POLR2F: variants seen among roughly 807,000 people sequenced by gnomAD.
POLR2F encodes DNA-directed RNA polymerases I, II, and III subunit RPABC2.
A neutral mutation model predicts 22.7 loss-of-function variants in POLR2F; 12 were observed. The ratio of observed to expected loss-of-function variants is 0.53; its 90% CI spans 0.34 to 0.86. The LOEUF (loss-of-function observed/expected upper bound fraction) is 0.86, where lower values mean the gene tolerates loss of function less well. Ranked by LOEUF, POLR2F falls within the 40% of genes least tolerant of loss-of-function variation. The pLI is 0.02. For missense variants in POLR2F, 126 were observed against 171.5 expected, an observed-to-expected ratio of 0.73 and a Z score of 1.48; for synonymous variants, 57 against 66.0, an observed-to-expected ratio of 0.86 and a Z score of 0.66.
chr22:37,985,741 A>T (rs1932550743), upstream of POLR2F, among the ~76,000 whole-genome samples: 1 of 139,806 alleles, frequency 7.2e-6, no homozygotes, highest in African/African-American at 2.7e-5. Context: ...AAAGGGGTGT[A>T]GGGGGTGGGA....
downstream of POLR2F, among the ~76,000 whole-genome samples, chr22:37,970,315 A>G (rs1239573795): frequency 6.8e-6 from 1 of 147,078 alleles, no homozygotes; most frequent in East Asian, 2.0e-4. Context: ...AAGAGTGGAG[A>G]TAATAGGCCA....
downstream of POLR2F, among the ~76,000 whole-genome samples, chr22:37,970,324 C>T (rs1569166380): frequency 6.7e-6 from 1 of 148,982 alleles, no homozygotes; most frequent in Non-Finnish European, 1.5e-5. Flanking sequence ...GATAATAGGC[C>T]AGGTGCGGTG....
At chr22:37,985,592 G>T (rs1932546559), upstream of POLR2F, among the ~76,000 whole-genome samples, 1 of 152,190 alleles carries the variant, frequency 6.6e-6, no homozygotes, top group Admixed American at 6.5e-5. Context: ...ATGTAATGGA[G>T]CTGGGGTCGC....
At chr22:38,012,966 A>G (rs951960285) in intron 1 of POLR2F, among the ~76,000 whole-genome samples, 2 of 152,198 alleles carry the variant, frequency 1.3e-5, no homozygotes, top group African/African-American at 4.8e-5. Context: ...TATTCTGTCC[A>G]TCAGAAGTGA....
At chr22:38,041,256 C>A (rs2085169606), downstream of POLR2F, 2 of 1,233,374 alleles carry the variant, frequency 1.6e-6, no homozygotes, top group South Asian at 1.5e-5. Context: ...GGGGCAGGCA[C>A]AGGGGGAGGG....
rs780120316 is a variant in POLR2F at position 37,953,821 on chromosome 22, C to G, written c.20+14C>G. On this transcript the variant is annotated intron_variant, in intron 1 of 4. Coordinates refer to ENST00000442738, the MANE Select transcript of POLR2F (RefSeq NM_021974.5). ...CAACGAGGACAAGTGAGTGCGGGAG[C>G]GGAGTGGCCTTTGCGGCAACCTTGG... 2 of 1,607,460 alleles carry G rather than the reference C, an allele frequency of 1.2e-6. No individual in the cohort carries two copies. The highest frequency in any genetic ancestry group is 1.7e-6 in the Non-Finnish European group (2 of 1,178,066).
chr22:37,971,812 C>A (rs1160314582), downstream of POLR2F, among the ~76,000 whole-genome samples: 1 of 152,044 alleles, frequency 6.6e-6, no homozygotes, highest in African/African-American at 2.4e-5. Flanking sequence ...TGCAAACTCC[C>A]GTCTGCTGAG....
chr22:38,014,141 AG>A lies in POLR2F; in HGVS notation c.121-11727del, dbSNP rs762816890. Among the ~76,000 whole-genome samples, 808 of 149,928 alleles carry A rather than the reference AG, an allele frequency of 5.4e-3. 10 individuals are homozygous for A. Among genetic ancestry groups the A allele is most frequent in the African/African-American group, 0.019 (780 of 40,430 alleles). On this transcript the variant is annotated intron_variant, in intron 1 of 2. Transcript: ENST00000333418. The stretch of plus-strand genomic sequence containing the variant: ...CTGTCTCAAAAAAAAAAAAAAAAAA[AG>A]AAAAAAGAAATATAATTGACTTGTA...
At chr22:37,973,940 C>T (rs1286855865), downstream of POLR2F, 7 of 1,610,608 alleles carry the variant, frequency 4.3e-6, no homozygotes, top group Non-Finnish European at 5.9e-6. Context: ...ACTGCCCAGC[C>T]CATAGCCGGC....
chr22:38,033,440 C>T (rs151237579), intron 5 of POLR2F, among the ~76,000 whole-genome samples: 150 of 152,310 alleles, frequency 9.8e-4, no homozygotes, highest in African/African-American at 3.5e-3. Context: ...GGGTTCAAGC[C>T]TGGTTACCCA....
downstream of POLR2F, chr22:37,971,157 T>C: frequency 6.6e-6 from 3 of 457,182 alleles, no homozygotes; most frequent in Middle Eastern, 7.2e-4. Context: ...TTGCTCCAGA[T>C]ACAAAGCAGA....
Position 37,986,414 on chromosome 22 carries a change from G to C in POLR2F, c.120+102G>C, listed in dbSNP as rs760424538. The C allele has an allele frequency of 9.1e-5, 139 of 1,531,932 alleles. No homozygotes were observed. In the Middle Eastern group the frequency reaches 1.0e-3, roughly 11 times the overall value. 94.9% of individuals were successfully genotyped at this position (1,531,932 alleles called of 1,614,324 possible). A position where few individuals can be genotyped will look rare whatever the true frequency, so the allele number is the denominator to read the frequency against. Reference sequence around the variant, plus strand: ...GTGACTGGCCTGAGACCCGCCTGGGGCAGGAGGGGTGGTTGTGGAAGGAAA... The same window carrying C: ...GTGACTGGCCTGAGACCCGCCTGGGCCAGGAGGGGTGGTTGTGGAAGGAAA... On this transcript the variant is annotated intron_variant, in intron 1 of 2. Coordinates refer to the POLR2F transcript ENST00000333418. The surrounding 1 kb of genome is among the most constrained non-coding windows in gnomAD (Gnocchi z 4.7).
chr22:37,996,753 C>T (rs1438653296), intron 1 of POLR2F, among the ~76,000 whole-genome samples: 5 of 152,214 alleles, frequency 3.3e-5, no homozygotes, highest in Admixed American at 6.5e-5. Flanking sequence ...CTGTCATTCT[C>T]CTCATCTGCC....
intron 1 of POLR2F, among the ~76,000 whole-genome samples, chr22:38,006,510 A>G (rs2084822619): frequency 1.3e-5 from 2 of 152,240 alleles, no homozygotes; most frequent in Non-Finnish European, 2.9e-5. Flanking sequence ...TGTTGGGAAG[A>G]CAGAGGAGAC....
chr22:38,030,930 G>A (rs1352206706), downstream of POLR2F, among the ~76,000 whole-genome samples: 1 of 152,152 alleles, frequency 6.6e-6, no homozygotes, highest in Non-Finnish European at 1.5e-5. Context: ...TAGGGGGTGG[G>A]AAAGGCAGGG....
chr22:37,983,731 C>T (rs1352054723), upstream of POLR2F: 1 of 1,484,740 alleles, frequency 6.7e-7, no homozygotes, highest in East Asian at 2.6e-5. This position sits in a 1 kb window ranked among gnomAD's most constrained non-coding sequence, Gnocchi z 9.5. Flanking sequence ...AGCGGGGCTC[C>T]TCCGAGCCCA....
chr22:38,003,739 G>A (rs1436239771), intron 1 of POLR2F, among the ~76,000 whole-genome samples: 1 of 151,710 alleles, frequency 6.6e-6, no homozygotes, highest in Non-Finnish European at 1.5e-5. Flanking sequence ...ACCATGCCCA[G>A]CTAATTTTTG....
intron 4 of POLR2F, among the ~76,000 whole-genome samples, chr22:37,976,113 C>T (rs989806985): frequency 2.0e-5 from 3 of 152,138 alleles, no homozygotes; most frequent in Non-Finnish European, 4.4e-5. Flanking sequence ...ATCCCAGCTA[C>T]TTAGGAGGCT....
intron 1 of POLR2F, among the ~76,000 whole-genome samples, chr22:38,002,733 CTT>C (rs1158825995): frequency 6.7e-6 from 1 of 148,560 alleles, no homozygotes; most frequent in Admixed American, 6.7e-5. Flanking sequence ...ACTTTTGAGT[CTT>C]TTTTTTTTGA....
Sources: gnomAD v4.1 joint callset for allele counts (sites outside exome capture counted in the v4.1 genomes callset) on GRCh38, gnomAD v4.1.1 for gene constraint, Gnocchi (gnomAD v3.1) non-coding constraint, MANE v1.5 for transcripts, NCBI Gene and HGNC (gene_info 2026-07-23, HGNC 2026-07-21) for gene names.